PCDH15: variants seen among roughly 807,000 people sequenced by gnomAD.
The protein encoded by PCDH15 is protocadherin-15.
A neutral mutation model predicts 178.5 loss-of-function variants in PCDH15; 129 were observed. The observed-to-expected ratio is 0.72, with a 90% confidence interval of 0.63 to 0.84. The LOEUF is 0.84. Among genes scored for constraint, PCDH15 ranks in the 40% least tolerant of loss-of-function variants. The probability of loss-of-function intolerance (pLI) is 0.00; values close to 1 mark genes in which losing one functional copy is unlikely to be tolerated. For synonymous variants in PCDH15, 800 were observed against 732.0 expected, an observed-to-expected ratio of 1.09 and a Z score of -1.50; for missense variants, 2,230 against 2,099.9, an observed-to-expected ratio of 1.06 and a Z score of -1.21.
chr10:54,451,641 A>C (rs969155781), intron 3 of PCDH15, among the ~76,000 whole-genome samples: 2 of 151,964 alleles, frequency 1.3e-5, no homozygotes, highest in Non-Finnish European at 2.9e-5. Context: ...TATAACATAC[A>C]TTTACCAAAA....
chr10:54,140,980 C>T (rs183699342), intron 14 of PCDH15, among the ~76,000 whole-genome samples: 100 of 152,152 alleles, frequency 6.6e-4, no homozygotes, highest in African/African-American at 2.0e-3. Flanking sequence ...CCATGCCTGA[C>T]CTATTTTTGC....
chr10:55,361,982 G>T (rs1446464543), intron 2 of PCDH15, among the ~76,000 whole-genome samples: 1 of 151,974 alleles, frequency 6.6e-6, no homozygotes, highest in Non-Finnish European at 1.5e-5. Context: ...CTCCTTTCTT[G>T]GATGAGAAAT....
At chr10:54,790,789 A>C (rs1951335835) in intron 1 of PCDH15, among the ~76,000 whole-genome samples, 1 of 151,978 alleles carries the variant, frequency 6.6e-6, no homozygotes, top group South Asian at 2.1e-4. Flanking sequence ...TTTGAATAAA[A>C]CCTGAAACCC....
intron 3 of PCDH15, among the ~76,000 whole-genome samples, chr10:54,861,982 A>T (rs1424349686): frequency 6.6e-6 from 1 of 152,200 alleles, no homozygotes; most frequent in Non-Finnish European, 1.5e-5. Context: ...GACTGGCTAC[A>T]ATGATGTTAA....
intron 8 of PCDH15, among the ~76,000 whole-genome samples, chr10:54,295,134 A>T (rs1474444924): frequency 6.6e-6 from 1 of 152,162 alleles, no homozygotes; most frequent in African/African-American, 2.4e-5. Context: ...TTGAAGCTTC[A>T]AGTGAGAGGT....
At chr10:54,324,484 C>T (rs1418373) in intron 7 of PCDH15, among the ~76,000 whole-genome samples, 68,784 of 151,812 alleles carry the variant, frequency 0.45, 16,262 homozygotes, top group Middle Eastern at 0.6. Flanking sequence ...AAATTTAGGC[C>T]GGGCACAGTG....
At chr10:55,491,159 C>T (rs1265869408) in intron 2 of PCDH15, among the ~76,000 whole-genome samples, 4 of 151,710 alleles carry the variant, frequency 2.6e-5, no homozygotes, top group Admixed American at 2.0e-4. Flanking sequence ...GGAAGTTCTA[C>T]CCTGTGTATT....
At chr10:54,428,523 C>A (rs1295240505) in intron 3 of PCDH15, among the ~76,000 whole-genome samples, 1 of 152,196 alleles carries the variant, frequency 6.6e-6, no homozygotes, top group Admixed American at 6.5e-5. Context: ...TACTTAGTTG[C>A]ATCTGCATTG....
At chr10:55,256,299 G>C (rs189803910) in intron 1 of PCDH15, among the ~76,000 whole-genome samples, 104 of 152,278 alleles carry the variant, frequency 6.8e-4, no homozygotes, top group African/African-American at 2.5e-3. Context: ...CAGTGTGAGC[G>C]AGGCAGAAGA....
chr10:54,738,372 C>T (rs1944381561), intron 1 of PCDH15, among the ~76,000 whole-genome samples: 1 of 151,944 alleles, frequency 6.6e-6, no homozygotes, highest in Non-Finnish European at 1.5e-5. Context: ...TGTAAGGTAA[C>T]AATGTGGCTA....
intron 3 of PCDH15, among the ~76,000 whole-genome samples, chr10:54,893,330 GT>G (rs995487395): frequency 6.6e-6 from 1 of 152,008 alleles, no homozygotes; most frequent in Admixed American, 6.6e-5. Context: ...AACCATAAAT[GT>G]TTATGTGATT....
intron 16 of PCDH15, among the ~76,000 whole-genome samples, chr10:54,084,895 G>A (rs1378169184): frequency 6.6e-6 from 1 of 152,094 alleles, no homozygotes; most frequent in East Asian, 1.9e-4. Context: ...TGAGTTTCAG[G>A]CTTTACAATG....
chr10:54,841,893 A>G (rs1239275898), intron 3 of PCDH15, among the ~76,000 whole-genome samples: 2 of 151,840 alleles, frequency 1.3e-5, no homozygotes, highest in Non-Finnish European at 2.9e-5. Context: ...GCCTATAGTG[A>G]TGTCTAGACT....
intron 34 of PCDH15, among the ~76,000 whole-genome samples, chr10:53,817,294 T>C (rs758587840): frequency 4.6e-5 from 7 of 152,132 alleles, no homozygotes; most frequent in African/African-American, 7.2e-5. Flanking sequence ...TCACCTGCAG[T>C]ACAGCTGGCC....
intron 1 of PCDH15, among the ~76,000 whole-genome samples, chr10:54,710,616 G>A (rs1471293024): frequency 6.6e-6 from 1 of 151,890 alleles, no homozygotes; most frequent in Non-Finnish European, 1.5e-5. Flanking sequence ...TTTAGCTTTT[G>A]CTCCCACCCT....
intron 2 of PCDH15, among the ~76,000 whole-genome samples, chr10:54,644,875 T>C (rs2135057205): frequency 6.6e-6 from 1 of 152,240 alleles, no homozygotes; most frequent in South Asian, 2.1e-4. Context: ...AACTAGGCCC[T>C]TTTGCCCTTC....
intron 3 of PCDH15, among the ~76,000 whole-genome samples, chr10:54,882,304 T>C (rs12413522): frequency 0.21 from 32,331 of 151,900 alleles, 4,213 homozygotes; most frequent in East Asian, 0.52. Context: ...GAGTTTCCCA[T>C]TGTTACCTTT....
intron 15 of PCDH15, among the ~76,000 whole-genome samples, chr10:54,095,883 A>G (rs2094690725): frequency 6.6e-6 from 1 of 152,184 alleles, no homozygotes; most frequent in Non-Finnish European, 1.5e-5. Context: ...TAAGCCTGCA[A>G]TTCTAATTTT....
At chr10:55,221,787 C>A (rs1344746174) in intron 1 of PCDH15, among the ~76,000 whole-genome samples, 2 of 151,960 alleles carry the variant, frequency 1.3e-5, no homozygotes, top group African/African-American at 4.8e-5. Flanking sequence ...TGTAGAAAAA[C>A]AATTAGAAAT....
Sources: allele counts gnomAD v4.1 joint callset (sites outside exome capture counted in the v4.1 genomes callset), GRCh38; gene constraint gnomAD v4.1.1; transcripts MANE v1.5; gene names NCBI Gene and HGNC (gene_info 2026-07-23, HGNC 2026-07-21).